The following ELK3 variants were observed in gnomAD, a reference collection of about 807,000 sequenced individuals.
ELK3 encodes ETS transcription factor ELK3, also known as ETS domain-containing protein Elk-3.
In ELK3, 10 loss-of-function variants were observed where a neutral mutation model predicts 28.9. That is an observed-to-expected ratio of 0.35 (90% CI 0.21 to 0.59). ELK3 has a LOEUF of 0.59. Among genes scored for constraint, ELK3 ranks in the 20% least tolerant of loss-of-function variants. ELK3 has a pLI of 0.82. For synonymous variants in ELK3, 272 were observed against 243.5 expected (o/e 1.12, Z -1.09); for missense variants, 463 against 517.3 (o/e 0.90, Z 1.02).
At chr12:96,218,934 C>T (rs1433717652) in intron 1 of ELK3, among the ~76,000 whole-genome samples, 2 of 152,142 alleles carry the variant, frequency 1.3e-5, no homozygotes, top group Non-Finnish European at 2.9e-5. Context: ...AGGCGTGAGC[C>T]ACCGCGCCCG....
At chr12:96,222,433 T>C (rs1039593767) in intron 1 of ELK3, among the ~76,000 whole-genome samples, 1 of 152,184 alleles carries the variant, frequency 6.6e-6, no homozygotes, top group East Asian at 1.9e-4. Context: ...ATGGGAGAAA[T>C]TGCTTTTCCC....
chr12:96,247,327 G>A lies in ELK3; in HGVS notation c.595G>A (p.Val199Met). Reference sequence around the variant, plus strand: ...CGACAAGCACGTCACCAGGCCGGTGGTGTCCCTGCCTTCCACGTCAGAGGC... The same window carrying A: ...CGACAAGCACGTCACCAGGCCGGTGATGTCCCTGCCTTCCACGTCAGAGGC... ...KTDKHVTRPVVSLPSTSEAAA... is the reference protein window; with the variant it reads ...KTDKHVTRPVMSLPSTSEAAA... The change falls in exon 3 of 5, where the codon GTG (valine) becomes ATG (methionine). Residue 199 changes from valine (V) to methionine (M), a missense_variant. Val to Met is a conservative substitution (Grantham distance 21). Transcript: ENST00000228741. This position sits in a 1 kb window ranked among gnomAD's most constrained non-coding sequence, Gnocchi z 5.5. The A allele has an allele frequency of 6.2e-7, 1 of 1,614,238 alleles. No individual in the cohort carries two copies. The highest frequency in any genetic ancestry group is 8.5e-7 in the Non-Finnish European group (1 of 1,180,044).
intron 2 of ELK3, among the ~76,000 whole-genome samples, chr12:96,226,487 CAG>C (rs1951700677): frequency 6.8e-6 from 1 of 146,250 alleles, no homozygotes; most frequent in African/African-American, 2.6e-5. Flanking sequence ...CACATGCACA[CAG>C]AGATGTCCAC....
intron 2 of ELK3, among the ~76,000 whole-genome samples, chr12:96,242,005 G>T (rs967139771): frequency 2.0e-5 from 3 of 152,218 alleles, no homozygotes; most frequent in South Asian, 2.1e-4. Context: ...TAAGAGGGAA[G>T]CGGATGTGTG....
intron 3 of ELK3, among the ~76,000 whole-genome samples, chr12:96,256,545 G>A (rs1335351713): frequency 1.3e-5 from 2 of 152,164 alleles, no homozygotes; most frequent in African/African-American, 2.4e-5. Context: ...AGCCAGGGGG[G>A]ACCCAGCTAG....
intron 1 of ELK3, among the ~76,000 whole-genome samples, chr12:96,210,669 A>G (rs10735341): frequency 0.84 from 127,288 of 152,014 alleles, 53,399 homozygotes; most frequent in Middle Eastern, 0.91. Flanking sequence ...TGTATCGAGA[A>G]CCACCCTTGC....
chr12:96,262,999 A>G (rs1952005148), intron 4 of ELK3, among the ~76,000 whole-genome samples: 1 of 152,116 alleles, frequency 6.6e-6, no homozygotes, highest in African/African-American at 2.4e-5. Flanking sequence ...AATAACAACA[A>G]ACCTCTTTCA....
chr12:96,225,955 A>T (rs1433959552), intron 2 of ELK3, among the ~76,000 whole-genome samples: 1 of 152,158 alleles, frequency 6.6e-6, no homozygotes, highest in African/African-American at 2.4e-5. Context: ...CAACATGGTG[A>T]GACCCTGTCA....
intron 1 of ELK3, among the ~76,000 whole-genome samples, chr12:96,222,007 G>GC (rs1440534735): frequency 6.6e-6 from 1 of 151,864 alleles, no homozygotes; most frequent in Non-Finnish European, 1.5e-5. Context: ...TCAGTCCCCT[G>GC]CCCCCCGCCC....
At chr12:96,196,747 GTT>G (rs56206854) in intron 1 of ELK3, among the ~76,000 whole-genome samples, 43,214 of 136,904 alleles carry the variant, frequency 0.32, 6,994 homozygotes, top group East Asian at 0.74. Flanking sequence ...CTCTAAAAGT[GTT>G]TTTTTTTTTT....
chr12:96,213,565 A>G (rs1296461061), intron 1 of ELK3, among the ~76,000 whole-genome samples: 2 of 152,094 alleles, frequency 1.3e-5, no homozygotes, highest in African/African-American at 2.4e-5. Context: ...ATCATTTACT[A>G]CTCACCCATA....
intron 2 of ELK3, among the ~76,000 whole-genome samples, chr12:96,236,287 A>G (rs1951782793): frequency 6.6e-6 from 1 of 152,180 alleles, no homozygotes; most frequent in South Asian, 2.1e-4. Context: ...GTCCAGTCGA[A>G]TCCTCCCGGG....
At chr12:96,227,232 T>C (rs1482319144) in intron 2 of ELK3, among the ~76,000 whole-genome samples, 1 of 152,002 alleles carries the variant, frequency 6.6e-6, no homozygotes, top group Non-Finnish European at 1.5e-5. Flanking sequence ...CCTTTTAGTG[T>C]TCTCTTCCTT....
At chr12:96,229,274 A>G (rs926875865) in intron 2 of ELK3, among the ~76,000 whole-genome samples, 1 of 152,228 alleles carries the variant, frequency 6.6e-6, no homozygotes, top group Non-Finnish European at 1.5e-5. Flanking sequence ...GCCAGGTCAG[A>G]TGACCACAAA....
chr12:96,235,739 G>A (rs923246470), intron 2 of ELK3, among the ~76,000 whole-genome samples: 3 of 152,146 alleles, frequency 2.0e-5, no homozygotes. Flanking sequence ...GCTCAACACA[G>A]GAAGGTCAAG....
chr12:96,241,781 G>A (rs1951823222), intron 2 of ELK3, among the ~76,000 whole-genome samples: 1 of 152,302 alleles, frequency 6.6e-6, no homozygotes, highest in South Asian at 2.1e-4. Flanking sequence ...CAACTTGGAC[G>A]GGGTGAGGGA....
At chr12:96,260,466 C>T (rs1299432798) in intron 4 of ELK3, among the ~76,000 whole-genome samples, 1 of 152,130 alleles carries the variant, frequency 6.6e-6, no homozygotes, top group African/African-American at 2.4e-5. Context: ...TTAAGTTCTC[C>T]TTGTTCTGTA....
intron 2 of ELK3, among the ~76,000 whole-genome samples, chr12:96,245,103 C>T (rs1951847424): frequency 6.6e-6 from 1 of 152,120 alleles, no homozygotes; most frequent in Admixed American, 6.5e-5. Context: ...TATGCTGGTG[C>T]TCAGTGAGGT....
Position 96,265,935 on chromosome 12 carries a change from C to G in ELK3, c.1126-1147C>G, listed in dbSNP as rs185826777. Among the ~76,000 whole-genome samples the G allele has an allele frequency of 2.0e-5, 3 of 152,222 alleles. No individual in the cohort carries two copies. The East Asian group carries it at 5.8e-4, about 29-fold the overall frequency. ...ATTAAAACAGTAATTAAAGATACCC[C>G]CTAACTCCTACCAAAATAAAAAGTT... On this transcript the variant is annotated intron_variant, in intron 4 of 4. Transcript: ENST00000228741.
Sources: allele counts gnomAD v4.1 joint callset (sites outside exome capture counted in the v4.1 genomes callset), GRCh38; gene constraint gnomAD v4.1.1; non-coding constraint Gnocchi (gnomAD v3.1); transcripts MANE v1.5; gene names NCBI Gene and HGNC (gene_info 2026-07-23, HGNC 2026-07-21).